AKAP8L: variants seen among roughly 807,000 people sequenced by gnomAD.
The protein encoded by AKAP8L is A-kinase anchoring protein 8 like, also known as A-kinase anchor protein 8-like.
A neutral mutation model predicts 77.5 loss-of-function variants in AKAP8L; 34 were observed. The ratio of observed to expected loss-of-function variants is 0.44; its 90% confidence interval spans 0.33 to 0.58. The LOEUF is 0.58. AKAP8L is among the 20% of genes least tolerant of loss of function. The pLI, the probability that AKAP8L is intolerant of heterozygous loss-of-function variation, is 0.02. For synonymous variants in AKAP8L, 342 were observed against 340.7 expected (o/e 1.00, Z -0.04); for missense variants, 806 against 887.6 (o/e 0.91, Z 1.17).
intron 7 of AKAP8L, 77 bp from the exon 8 acceptor site, chr19:15,400,435 A>T: frequency 1.4e-6 from 2 of 1,416,402 alleles, no homozygotes; most frequent in Admixed American, 1.9e-5. Flanking sequence ...TATTAGAGCA[A>T]CGGTATATAG....
intron 12 of AKAP8L, among the ~76,000 whole-genome samples, chr19:15,389,722 G>C (rs1008706121): frequency 2.6e-5 from 4 of 152,214 alleles, no homozygotes; most frequent in African/African-American, 9.6e-5. Context: ...AGTGAGCTGA[G>C]ATTGTGCCAT....
At chr19:15,385,809 G>A (rs1365158991) in intron 12 of AKAP8L, among the ~76,000 whole-genome samples, 1 of 151,212 alleles carries the variant, frequency 6.6e-6, no homozygotes, top group Non-Finnish European at 1.5e-5. Context: ...ATATTGCCCA[G>A]GCTGGTCTTG....
chr19:15,397,031 C>T lies in AKAP8L; in HGVS notation c.1536+119G>A. ...ACTGAGCTGGAAATGTCCATATCCA[C>T]CTCCTCCTGCCTCCACTGCAGTCCC... On this transcript the variant is annotated intron_variant, in intron 12 of 13. Coordinates refer to ENST00000397410, the MANE Select transcript of AKAP8L (RefSeq NM_014371.4). This position sits in a 1 kb window ranked among gnomAD's most constrained non-coding sequence, Gnocchi z 4.7. 1 of 1,400,488 alleles carries T rather than the reference C, an allele frequency of 7.1e-7. No individual in the cohort carries two copies. Among genetic ancestry groups the T allele is most frequent in the Admixed American group, 1.8e-5 (1 of 54,536 alleles). 86.8% of individuals were successfully genotyped at this position (1,400,488 alleles called of 1,614,324 possible). A position where few individuals can be genotyped will look rare whatever the true frequency, so the allele number is the denominator to read the frequency against.
At chr19:15,380,823 T>C (rs1393004207) in intron 12 of AKAP8L, 3 of 589,970 alleles carry the variant, frequency 5.1e-6, no homozygotes, top group South Asian at 2.1e-5. Flanking sequence ...TTACTGTAGG[T>C]AAATAAAAAT....
Position 15,399,890 on chromosome 19 carries a change from T to G in AKAP8L, c.1048+405A>C, listed in dbSNP as rs1599606238. Reference sequence around the variant, plus strand: ...GGAATCCCAACAGGGGCTGGAGAGGTGCTAAGGGAGAGGATACGCACACCA... The same window carrying G: ...GGAATCCCAACAGGGGCTGGAGAGGGGCTAAGGGAGAGGATACGCACACCA... On this transcript the variant is annotated intron_variant, in intron 8 of 13. Transcript: ENST00000397410. This position sits in a 1 kb window ranked among gnomAD's most constrained non-coding sequence, Gnocchi z 6.1. 3.1e-6 allele frequency: 1 copy of G among 323,844 alleles called. No individual in the cohort carries two copies. The highest frequency in any genetic ancestry group is 5.8e-6 in the Non-Finnish European group (1 of 172,200). 20.1% of individuals were successfully genotyped at this position (323,844 alleles called of 1,614,324 possible). A position where few individuals can be genotyped will look rare whatever the true frequency, so the allele number is the denominator to read the frequency against.
intron 12 of AKAP8L, among the ~76,000 whole-genome samples, chr19:15,390,458 G>GC (rs1388474098): frequency 1.3e-5 from 2 of 150,658 alleles, no homozygotes; most frequent in Non-Finnish European, 3.0e-5. Flanking sequence ...CAAAAGCCAG[G>GC]CCTAGATGGC....
At chr19:15,416,286 TATGTAG>T (rs2145154820) in intron 1 of AKAP8L, among the ~76,000 whole-genome samples, 1 of 152,340 alleles carries the variant, frequency 6.6e-6, no homozygotes, top group South Asian at 2.1e-4. Flanking sequence ...CTCTTAACGT[TATGTAG>T]ATCCCTCCCA....
At chr19:15,389,554 C>A (rs1049799683) in intron 12 of AKAP8L, among the ~76,000 whole-genome samples, 1 of 152,186 alleles carries the variant, frequency 6.6e-6, no homozygotes, top group East Asian at 1.9e-4. Flanking sequence ...GGGCAGATCA[C>A]GAGGTCAGGA....
intron 12 of AKAP8L, among the ~76,000 whole-genome samples, chr19:15,395,588 C>CA (rs1568265958): frequency 6.6e-6 from 1 of 150,966 alleles, no homozygotes; most frequent in Admixed American, 6.6e-5. Flanking sequence ...GCTGGGATTA[C>CA]ACGCGTGAGC....
chr19:15,392,896 C>CAAAAAAAAAAACA (rs1967692638), intron 12 of AKAP8L, among the ~76,000 whole-genome samples: 1 of 43,136 alleles, frequency 2.3e-5, no homozygotes. Context: ...AACTCTGTCT[C>CAAAAAAAAAAACA]AAAAAAAAAA....
intron 12 of AKAP8L, among the ~76,000 whole-genome samples, chr19:15,384,893 C>A (rs376651327): frequency 6.6e-6 from 1 of 151,990 alleles, no homozygotes; most frequent in African/African-American, 2.4e-5. Flanking sequence ...GTTTTTGAGA[C>A]GGAGTCTCGC....
chr19:15,382,438 G>GGAGGTCTTGA (rs1967438930), intron 12 of AKAP8L, among the ~76,000 whole-genome samples: 1 of 152,036 alleles, frequency 6.6e-6, no homozygotes, highest in Non-Finnish European at 1.5e-5. Flanking sequence ...CCTGAGCTCA[G>GGAGGTCTTGA]GACCTCCACC....
At position 15,397,982 on chromosome 19, in the gene AKAP8L, G is replaced by A; in HGVS notation, c.1158-127C>T. 8.2e-7 allele frequency: 1 copy of A among 1,221,240 alleles called. No homozygotes were observed. The highest frequency in any genetic ancestry group is 1.1e-6 in the Non-Finnish European group (1 of 881,298). The allele number at this position is 1,221,240 out of a possible 1,614,324, so 75.7% of individuals were successfully genotyped here. On this transcript the variant is annotated intron_variant, in intron 9 of 13. Transcript: ENST00000397410. This position sits in a 1 kb window ranked among gnomAD's most constrained non-coding sequence, Gnocchi z 4.7. ...CACGGGCCTCTGAAGTACGGTCCCA[G>A]CAGAGGGACAGGCTGGGACCAGTGG... is the stretch of plus-strand genomic sequence containing the variant.
intron 12 of AKAP8L, among the ~76,000 whole-genome samples, chr19:15,388,573 C>T (rs778422554): frequency 1.3e-5 from 2 of 152,192 alleles, no homozygotes; most frequent in South Asian, 2.1e-4. Context: ...AGTACAATAA[C>T]GGACACCAAA....
rs894185966 is a variant in AKAP8L, at chr19:15,403,155, C to T, written c.362+320G>A. On this transcript the variant is annotated intron_variant, in intron 4 of 13. Transcript: ENST00000397410. This position sits in a 1 kb window ranked among gnomAD's most constrained non-coding sequence, Gnocchi z 4.3. ...CAGGAGGCAAAGTCTCGAGAGAATTCCAAATGGCTGTCCTTGGAGGGAGGG... is the reference window on the plus strand; with the variant it reads ...CAGGAGGCAAAGTCTCGAGAGAATTTCAAATGGCTGTCCTTGGAGGGAGGG... Among the ~76,000 whole-genome samples, 1 of 152,156 alleles carries T rather than the reference C, an allele frequency of 6.6e-6. No individual in the cohort carries two copies. The highest frequency in any genetic ancestry group is 2.4e-5 in the African/African-American group (1 of 41,444).
At position 15,401,749 on chromosome 19, in the gene AKAP8L, G is replaced by C. The variant is rs550912547; in HGVS notation, c.363-146C>G. The C allele has an allele frequency of 3.3e-4, 222 of 674,474 alleles. 2 individuals are homozygous for C. In the South Asian group the frequency reaches 4.1e-3, roughly 12 times the overall value. The allele number at this position is 674,474 out of a possible 1,614,324, so 41.8% of individuals were successfully genotyped here. On this transcript the variant is annotated intron_variant, in intron 4 of 13. Coordinates refer to ENST00000397410, the MANE Select transcript of AKAP8L (RefSeq NM_014371.4). This position sits in a 1 kb window ranked among gnomAD's most constrained non-coding sequence, Gnocchi z 6.2. ...AATGTTCAGAAATGCCGATTAAAGAGTTCCAGCCTCTCAGCTGATATAGGG... is the reference window on the plus strand; with the variant it reads ...AATGTTCAGAAATGCCGATTAAAGACTTCCAGCCTCTCAGCTGATATAGGG...
intron 1 of AKAP8L, among the ~76,000 whole-genome samples, chr19:15,413,751 G>A (rs922134717): frequency 1.3e-5 from 2 of 152,342 alleles, no homozygotes; most frequent in East Asian, 1.9e-4. Context: ...TGGGCCACCA[G>A]TAAAATGGCC....
At chr19:15,400,674 T>A in intron 7 of AKAP8L, 120 bp downstream of exon 7, 5 of 1,255,112 alleles carry the variant, frequency 4.0e-6, no homozygotes, top group Non-Finnish European at 5.7e-6. Flanking sequence ...TGCCTCCCCA[T>A]GCTGGTCACC....
chr19:15,401,141 T>C lies in AKAP8L; in HGVS notation c.816+9A>G, dbSNP rs759672480. ...AAGCTTCCCAGAGGGGAAGGCTGCC[T>C]CCACTCACTCGGAAGTCGGCTGTGG... is the stretch of plus-strand genomic sequence containing the variant. On this transcript the variant is annotated intron_variant, in intron 5 of 13. Coordinates refer to ENST00000397410, the MANE Select transcript of AKAP8L (RefSeq NM_014371.4). This position sits in a 1 kb window ranked among gnomAD's most constrained non-coding sequence, Gnocchi z 6.2. 1 of 1,605,040 alleles carries C rather than the reference T, an allele frequency of 6.2e-7. No individual in the cohort carries two copies. Among genetic ancestry groups the C allele is most frequent in the South Asian group, 1.1e-5 (1 of 91,010 alleles).
Sources: allele counts gnomAD v4.1 joint callset (sites outside exome capture counted in the v4.1 genomes callset), GRCh38; gene constraint gnomAD v4.1.1; non-coding constraint Gnocchi (gnomAD v3.1); transcripts MANE v1.5; gene names NCBI Gene and HGNC (gene_info 2026-07-23, HGNC 2026-07-21).